The following PNPLA6 variants were observed in gnomAD, a reference collection of about 807,000 sequenced individuals.
PNPLA6 encodes the protein patatin like domain 6, lysophospholipase.
A neutral mutation model predicts 153.7 loss-of-function variants in PNPLA6; 105 were observed. The observed-to-expected ratio is 0.68, with a 90% CI of 0.58 to 0.80. PNPLA6 has a LOEUF of 0.80. PNPLA6 is among the 30% of genes least tolerant of loss of function. The pLI is 0.00. For missense variants in PNPLA6, 1,423 were observed against 1,919.3 expected, an observed-to-expected ratio of 0.74 and a Z score of 4.83; for synonymous variants, 825 against 822.2, an observed-to-expected ratio of 1.00 and a Z score of -0.06.
chr19:7,542,692 G>A (rs118046059), intron 11 of PNPLA6, 22 bp downstream of exon 11: 44,072 of 1,612,146 alleles, frequency 0.027, 677 homozygotes, highest in Middle Eastern at 0.044. Context: ...GACCCTGCCC[G>A]GTGGTGGAGC....
chr19:7,558,501 G>A (rs1467699959), intron 27 of PNPLA6, among the ~76,000 whole-genome samples: 1 of 152,164 alleles, frequency 6.6e-6, no homozygotes, highest in African/African-American at 2.4e-5. Flanking sequence ...GCGTGGTGGT[G>A]TATGCCTCTA....
chr19:7,540,360 G>C lies in PNPLA6; in HGVS notation c.714+52G>C. 6.4e-7 allele frequency: 1 copy of C among 1,560,694 alleles called. No homozygotes were observed. The highest frequency in any genetic ancestry group is 1.2e-5 in the South Asian group (1 of 85,960). On this transcript the variant is annotated intron_variant, in intron 5 of 31. Transcript: ENST00000600737. This position sits in a 1 kb window ranked among gnomAD's most constrained non-coding sequence, Gnocchi z 6.8. The stretch of plus-strand genomic sequence containing the variant: ...GCAGGAGGATGGGTGGTGGGGATGG[G>C]CAGCAGGCATTGGTCTGTAGAGCTG...
chr19:7,544,997 GA>G (rs1222770872), intron 13 of PNPLA6, among the ~76,000 whole-genome samples: 5 of 151,614 alleles, frequency 3.3e-5, no homozygotes, highest in African/African-American at 1.2e-4. Context: ...TTTTGTTAGG[GA>G]CCCTGTGCTC....
intron 18 of PNPLA6, among the ~76,000 whole-genome samples, chr19:7,553,210 C>T (rs1002172841): frequency 1.9e-4 from 23 of 123,742 alleles, no homozygotes; most frequent in African/African-American, 5.8e-4. Context: ...TGGGAAGCAA[C>T]AGCTGGGTCA....
At position 7,559,150 on chromosome 19, in the gene PNPLA6, A is replaced by T. The variant is rs777550870; in HGVS notation, c.3698A>T (p.Tyr1233Phe). Residue 1233 changes from tyrosine to phenylalanine, a missense_variant and splice_region_variant, in exon 28 of 32, where the codon TAT (tyrosine) becomes TTT (phenylalanine). Tyr to Phe is a conservative substitution (Grantham distance 22). Around this residue, in one of 10 missense-constraint regions of PNPLA6, gnomAD observed 643 missense variants for 835.2 expected, o/e 0.77. Coordinates refer to ENST00000600737, the MANE Select transcript of PNPLA6 (RefSeq NM_001166114.2). ...TMDFGKFDQIYDVGYQYGKAV... is the reference protein window; with the variant it reads ...TMDFGKFDQIFDVGYQYGKAV... The stretch of plus-strand genomic sequence containing the variant: ...GACTTTGGGAAGTTCGACCAGATCT[A>T]TGTGAGTGGGCAGGAGTGGCATGGT... The T allele has an allele frequency of 1.9e-6, 3 of 1,613,960 alleles. No individual in the cohort carries two copies. The highest frequency in any genetic ancestry group is 1.1e-5 in the South Asian group (1 of 91,082).
intron 13 of PNPLA6, 74 bp downstream of exon 13, chr19:7,543,158 G>A (rs1188071372): frequency 1.6e-6 from 2 of 1,273,116 alleles, no homozygotes; most frequent in African/African-American, 2.9e-5. Flanking sequence ...TCTGATCCCT[G>A]CCCTTTGACT....
At chr19:7,546,562 C>A (rs960725191) in intron 13 of PNPLA6, among the ~76,000 whole-genome samples, 1 of 152,168 alleles carries the variant, frequency 6.6e-6, no homozygotes, top group Non-Finnish European at 1.5e-5. Flanking sequence ...CTGCACCTGG[C>A]CATGCCCACC....
chr19:7,542,611 C>T lies in PNPLA6; in HGVS notation c.1303C>T (p.Arg435Trp), dbSNP rs779962662. The T allele has an allele frequency of 1.7e-5, 27 of 1,613,552 alleles. No homozygotes were observed. Among genetic ancestry groups the T allele is most frequent in the Admixed American group, 5.0e-5 (3 of 60,008 alleles). The change falls in exon 11 of 32, where the codon CGG (arginine) becomes TGG (tryptophan). Residue 435 changes from arginine (R) to tryptophan (W), a missense_variant. Arg to Trp is a moderately radical substitution (Grantham distance 101). Around this residue, in one of 10 missense-constraint regions of PNPLA6, gnomAD observed 267 missense variants for 255.1 expected, o/e 1.05. Coordinates refer to ENST00000600737, the MANE Select transcript of PNPLA6 (RefSeq NM_001166114.2). ...CTTCGACATGGCCTATGAGCGTGGC[C>T]GGATCTCCGTGTCCCTGCAGGAAGA... ...SDFDMAYERG[R>W]ISVSLQEEAS...
chr19:7,539,393 C>T (rs1023584904), intron 3 of PNPLA6, among the ~76,000 whole-genome samples: 6 of 151,870 alleles, frequency 4.0e-5, no homozygotes, highest in Admixed American at 1.3e-4. Context: ...GCAGGAGAAT[C>T]GCTTTAGCCT....
At chr19:7,537,690 A>G (rs1249513732) in intron 3 of PNPLA6, among the ~76,000 whole-genome samples, 1 of 152,128 alleles carries the variant, frequency 6.6e-6, no homozygotes, top group Admixed American at 6.6e-5. Context: ...TCACTAGGCT[A>G]GAGTGCACTG....
chr19:7,551,570 C>G (rs975512117), intron 18 of PNPLA6, 133 bp downstream of exon 18: 33 of 791,692 alleles, frequency 4.2e-5, no homozygotes, highest in African/African-American at 8.5e-5. Context: ...CTGAGGGTTT[C>G]AAACCCTAAG....
chr19:7,535,528 G>A, upstream of PNPLA6: 3 of 1,594,918 alleles, frequency 1.9e-6, no homozygotes, highest in Non-Finnish European at 2.6e-6. This position sits in a 1 kb window ranked among gnomAD's most constrained non-coding sequence, Gnocchi z 5.0. Context: ...CTACCAGATC[G>A]GCCGTCCAGC....
chr19:7,539,631 C>A (rs1481356290), intron 3 of PNPLA6, among the ~76,000 whole-genome samples: 2 of 151,906 alleles, frequency 1.3e-5, no homozygotes, highest in African/African-American at 4.8e-5. Flanking sequence ...GTGGCACATG[C>A]CTGTAATCCC....
Position 7,541,909 on chromosome 19 carries a change from A to G in PNPLA6, c.1169-75A>G. On this transcript the variant is annotated intron_variant, in intron 9 of 31. Transcript: ENST00000600737. This position sits in a 1 kb window ranked among gnomAD's most constrained non-coding sequence, Gnocchi z 5.2. ...TTTAACTAGTTAATCAGTCGCCAGC[A>G]TCTCCTTATCTCCCAACCTGCTAAT... 1 of 1,325,008 alleles carries G rather than the reference A, an allele frequency of 7.5e-7. No individual in the cohort carries two copies. Among genetic ancestry groups the G allele is most frequent in the Non-Finnish European group, 1.1e-6 (1 of 926,820 alleles). The allele number at this position is 1,325,008 out of a possible 1,614,324, so 82.1% of individuals were successfully genotyped here.
At position 7,555,165 on chromosome 19, in the gene PNPLA6, A is replaced by G; in HGVS notation, c.2818-84A>G. On this transcript the variant is annotated intron_variant, in intron 22 of 31. Coordinates refer to ENST00000600737, the MANE Select transcript of PNPLA6 (RefSeq NM_001166114.2). The surrounding 1 kb of genome is among the most constrained non-coding windows in gnomAD (Gnocchi z 6.3). Reference sequence around the variant, plus strand: ...GGCGGGGCCTGGGAGGGCTGAGGACAGGCTCGAAGGTCAGGGTACCCCTGG... The same window carrying G: ...GGCGGGGCCTGGGAGGGCTGAGGACGGGCTCGAAGGTCAGGGTACCCCTGG... 1.3e-6 allele frequency: 2 copies of G among 1,517,432 alleles called. No individual in the cohort carries two copies. The highest frequency in any genetic ancestry group is 3.8e-5 in the Admixed American group (2 of 52,680). The allele number at this position is 1,517,432 out of a possible 1,614,324, so 94.0% of individuals were successfully genotyped here.
intron 13 of PNPLA6, 44 bp from the exon 14 acceptor site, chr19:7,549,863 A>G: frequency 6.3e-7 from 1 of 1,587,956 alleles, no homozygotes; most frequent in Non-Finnish European, 8.6e-7. Context: ...GCTGGGGTCC[A>G]CGCTGTCCGG....
chr19:7,559,011 G>A lies in PNPLA6; in HGVS notation c.3559G>A (p.Ala1187Thr). The change falls in exon 28 of 32, where the codon GCT becomes ACT. Residue 1187 changes from alanine to threonine, a missense_variant. Transcript: ENST00000600737. Reference sequence around the variant, plus strand: ...TGACAAGGTAAAGGTTCCAGACATGGCTGAAATCCAGTCCCGCCTGGCCTA... The same window carrying A: ...TGACAAGGTAAAGGTTCCAGACATGACTGAAATCCAGTCCCGCCTGGCCTA... ...WADKVKVPDM[A>T]EIQSRLAYVS... 1 of 1,614,218 alleles carries A rather than the reference G, an allele frequency of 6.2e-7. No homozygotes were observed. The highest frequency in any genetic ancestry group is 8.5e-7 in the Non-Finnish European group (1 of 1,180,044).
chr19:7,535,074 A>C, upstream of PNPLA6: 1 of 195,396 alleles, frequency 5.1e-6, no homozygotes, highest in South Asian at 8.6e-5. This position sits in a 1 kb window ranked among gnomAD's most constrained non-coding sequence, Gnocchi z 5.0. Context: ...TCTTCGACGG[A>C]GTAGGGGGTG....
intron 13 of PNPLA6, 62 bp downstream of exon 13, chr19:7,543,146 C>T: frequency 7.4e-7 from 1 of 1,359,066 alleles, no homozygotes; most frequent in Non-Finnish European, 1.1e-6. Flanking sequence ...ACTTCTGTGA[C>T]CTCTGATCCC....
Sources: allele counts gnomAD v4.1 joint callset (sites outside exome capture counted in the v4.1 genomes callset), GRCh38; gene constraint gnomAD v4.1.1; regional missense constraint gnomAD v4.1.1; non-coding constraint Gnocchi (gnomAD v3.1); transcripts MANE v1.5; gene names NCBI Gene and HGNC (gene_info 2026-07-23, HGNC 2026-07-21).